Variants in DMD observed in about 807,000 individuals in gnomAD.
DMD encodes dystrophin.
A neutral mutation model predicts 330.1 loss-of-function variants in DMD; 63 were observed. The ratio of observed to expected loss-of-function variants is 0.19; its 90% CI spans 0.16 to 0.24. DMD has a LOEUF of 0.24. Among genes scored for constraint, DMD ranks in the 10% least tolerant of loss-of-function variants. DMD has a pLI of 1.00. For missense variants in DMD, 3,344 were observed against 2,684.1 expected, an observed-to-expected ratio of 1.25 and a Z score of -5.43; for synonymous variants, 1,223 against 959.8, an observed-to-expected ratio of 1.27 and a Z score of -5.07.
rs957201145 is a variant in DMD, at chrX:31,668,634, T to C, written c.7873-10490A>G. The stretch of plus-strand genomic sequence containing the variant: ...TAGCAAGAACATTTAAAATCTGTTA[T>C]TTTAGCAATTTTGAAATATACAATA... On this transcript the variant is annotated intron_variant, in intron 53 of 78. Transcript: ENST00000357033. Among the ~76,000 whole-genome samples, 6 of 111,158 alleles carry C rather than the reference T, an allele frequency of 5.4e-5. No homozygotes were observed. In the East Asian group the frequency reaches 1.7e-3, roughly 31 times the overall value.
At chrX:32,940,916 TC>T (rs2090367962) in intron 2 of DMD, among the ~76,000 whole-genome samples, 1 of 110,887 alleles carries the variant, frequency 9.0e-6, no homozygotes, top group South Asian at 3.8e-4. Flanking sequence ...ACACAAAGGT[TC>T]AATATCTAGA....
intron 12 of DMD, 31 bp from the exon 13 acceptor site, chrX:32,595,907 A>G: frequency 8.8e-7 from 1 of 1,130,732 alleles, no homozygotes; most frequent in Non-Finnish European, 1.2e-6. Context: ...AAGGAAATTA[A>G]AATGATATTC....
rs138688686 is a variant in DMD at position 31,302,946 on chromosome X, A to C, written c.9224+20652T>G. Reference sequence around the variant, plus strand: ...GAAATACAAAAAGATCCACAGTACAAAAAAACAAATGTGTTCCTTCTAATG... The same window carrying C: ...GAAATACAAAAAGATCCACAGTACACAAAAACAAATGTGTTCCTTCTAATG... On this transcript the variant is annotated intron_variant, in intron 62 of 78. Transcript: ENST00000357033. Among the ~76,000 whole-genome samples, 23 of 111,467 alleles carry C rather than the reference A, an allele frequency of 2.1e-4. No homozygotes were observed. The East Asian group carries it at 6.2e-3, about 30-fold the overall frequency.
At chrX:32,417,433 T>C (rs2098170366) in intron 29 of DMD, among the ~76,000 whole-genome samples, 1 of 111,229 alleles carries the variant, frequency 9.0e-6, no homozygotes, top group African/African-American at 3.3e-5. Flanking sequence ...GATCACAGGG[T>C]CTGGGAGTCC....
chrX:31,902,197 G>A (rs774149096), intron 47 of DMD, among the ~76,000 whole-genome samples: 6 of 111,597 alleles, frequency 5.4e-5, no homozygotes, highest in Non-Finnish European at 1.1e-4. Context: ...ACTTCTCTTC[G>A]TTAGAGATGA....
chrX:32,673,740 G>T (rs768440788), intron 9 of DMD, among the ~76,000 whole-genome samples: 3 of 112,088 alleles, frequency 2.7e-5, no homozygotes, highest in African/African-American at 9.7e-5. Context: ...TCAAAGATTG[G>T]CTATGCCCTC....
intron 7 of DMD, among the ~76,000 whole-genome samples, chrX:32,766,274 T>G (rs931778208): frequency 1.8e-5 from 2 of 111,644 alleles, no homozygotes; most frequent in African/African-American, 6.5e-5. Context: ...ATGTGTAGTT[T>G]GTTTTGAGTA....
intron 47 of DMD, among the ~76,000 whole-genome samples, chrX:31,896,996 T>G (rs888043403): frequency 3.2e-4 from 35 of 110,423 alleles, no homozygotes; most frequent in African/African-American, 1.2e-3. Context: ...TATGTATACA[T>G]GTGCCATGCT....
intron 37 of DMD, among the ~76,000 whole-genome samples, chrX:32,349,335 T>A (rs1771745581): frequency 9.0e-6 from 1 of 111,560 alleles, no homozygotes; most frequent in African/African-American, 3.2e-5. Flanking sequence ...TAAAATACAT[T>A]GATACTCTCT....
In DMD at chrX:31,147,632, C is replaced by G. The variant is rs189216298; in HGVS notation, c.10554-114G>C. ...TATATACCATGGTAGATAGATGCAT[C>G]TGACTGCCACCGAAGAACAGCAAGC... On this transcript the variant is annotated intron_variant, in intron 74 of 78. Coordinates refer to ENST00000357033, the MANE Select transcript of DMD (RefSeq NM_004006.3). 81 of 535,379 alleles carry G rather than the reference C, an allele frequency of 1.5e-4. 1 individual carries two copies. In the African/African-American group the frequency reaches 1.7e-3, roughly 11 times the overall value. 44.1% of individuals were successfully genotyped at this position (535,379 alleles called of 1,213,427 possible).
At chrX:31,810,817 C>A (rs748611507) in intron 50 of DMD, among the ~76,000 whole-genome samples, 150 of 111,799 alleles carry the variant, frequency 1.3e-3, no homozygotes, top group African/African-American at 4.8e-3. Flanking sequence ...TACTTACTCT[C>A]ATAAATATGC....
At chrX:33,039,586 T>C (rs1490331967) in intron 1 of DMD, among the ~76,000 whole-genome samples, 1 of 111,804 alleles carries the variant, frequency 8.9e-6, no homozygotes, top group Non-Finnish European at 1.9e-5. Flanking sequence ...ACTTTTCCCA[T>C]TGGGTGATTC....
chrX:32,477,082 T>G (rs1227566057), intron 21 of DMD, among the ~76,000 whole-genome samples: 1 of 111,124 alleles, frequency 9.0e-6, no homozygotes, highest in East Asian at 2.8e-4. Flanking sequence ...ATATGTAACT[T>G]TTTTCTCTAA....
intron 1 of DMD, among the ~76,000 whole-genome samples, chrX:33,025,898 G>C (rs2093986866): frequency 9.0e-6 from 1 of 111,465 alleles, no homozygotes; most frequent in African/African-American, 3.3e-5. Context: ...TTGGGGGCTA[G>C]TTAATATGTT....
intron 60 of DMD, among the ~76,000 whole-genome samples, chrX:31,439,115 T>C (rs1206340988): frequency 2.7e-5 from 3 of 111,897 alleles, no homozygotes; most frequent in East Asian, 5.6e-4. Flanking sequence ...CCAGAGATAA[T>C]AATGGGTACT....
intron 67 of DMD, among the ~76,000 whole-genome samples, chrX:31,187,972 A>C (rs150045044): frequency 0.022 from 2,493 of 111,955 alleles, 81 homozygotes; most frequent in African/African-American, 0.076. Context: ...CCTGATGCTG[A>C]AAGTTGTTAA....
chrX:31,239,753 T>C (rs912966753), intron 63 of DMD, among the ~76,000 whole-genome samples: 1 of 112,112 alleles, frequency 8.9e-6, no homozygotes, highest in Non-Finnish European at 1.9e-5. Flanking sequence ...GGCATCTTCT[T>C]AAATTTTTAA....
chrX:31,595,946 T>G (rs868554998), intron 55 of DMD, among the ~76,000 whole-genome samples: 1 of 111,081 alleles, frequency 9.0e-6, no homozygotes, highest in African/African-American at 3.3e-5. Flanking sequence ...TTTTTATCCT[T>G]TCATGTTAAA....
chrX:32,785,994 C>G (rs1006391097), intron 7 of DMD, among the ~76,000 whole-genome samples: 1 of 109,758 alleles, frequency 9.1e-6, no homozygotes, highest in Admixed American at 9.9e-5. Flanking sequence ...TGATTAACAA[C>G]TACAACAATA....
Sources: gnomAD v4.1 joint callset for allele counts (sites outside exome capture counted in the v4.1 genomes callset) on GRCh38, gnomAD v4.1.1 for gene constraint, MANE v1.5 for transcripts, NCBI Gene and HGNC (gene_info 2026-07-23, HGNC 2026-07-21) for gene names.